The following CDHR2 variants were observed in gnomAD, a reference collection of about 807,000 sequenced individuals.
The protein encoded by CDHR2 is cadherin-related family member 2.
In CDHR2, 104 loss-of-function variants were observed where a neutral mutation model predicts 138.6. The observed-to-expected ratio is 0.75, with a 90% confidence interval of 0.64 to 0.88. CDHR2 has a LOEUF of 0.88. Ranked by LOEUF, CDHR2 falls within the 40% of genes least tolerant of loss-of-function variation. CDHR2 has a pLI of 0.00. For missense variants in CDHR2, 1,624 were observed against 1,727.6 expected, an observed-to-expected ratio of 0.94 and a Z score of 1.06; for synonymous variants, 755 against 742.8, an observed-to-expected ratio of 1.02 and a Z score of -0.27.
rs142588623 is a variant in CDHR2 at position 176,589,558 on chromosome 5, C to T, written c.3148C>T (p.Arg1050Trp). 1.8e-4 allele frequency: 296 copies of T among 1,613,976 alleles called. 1 individual carries two copies. The highest frequency in any genetic ancestry group is 2.4e-4 in the Non-Finnish European group (284 of 1,180,034). ...CACCGTGGACCAGAGTTACCGCTCGCGGCTGCAGTTCTCCACACCGAAGGA... is the reference window on the plus strand; with the variant it reads ...CACCGTGGACCAGAGTTACCGCTCGTGGCTGCAGTTCTCCACACCGAAGGA... ...LFTVDQSYRS[R>W]LQFSTPKEEV... The change falls in exon 24 of 32, where the codon CGG becomes TGG. Residue 1050 changes from arginine (R) to tryptophan (W), a missense_variant. Physicochemically the swap from Arg to Trp is moderately radical, Grantham distance 101. This residue lies in a region of CDHR2 where 556 missense variants were observed against 565.7 expected (regional missense o/e 0.98). Coordinates refer to ENST00000261944, the MANE Select transcript of CDHR2 (RefSeq NM_017675.6).
At chr5:176,582,225 G>A (rs1042999605) in intron 17 of CDHR2, among the ~76,000 whole-genome samples, 7 of 152,082 alleles carry the variant, frequency 4.6e-5, no homozygotes, top group Non-Finnish European at 1.0e-4. Context: ...TTTCCATGTT[G>A]CCCAGGCTGG....
At position 176,595,742 on chromosome 5, in the gene CDHR2, A is replaced by G; in HGVS notation, c.*70A>G. The G allele has an allele frequency of 7.2e-7, 1 of 1,383,720 alleles. No individual in the cohort carries two copies. The highest frequency in any genetic ancestry group is 9.6e-7 in the Non-Finnish European group (1 of 1,044,828). The allele number at this position is 1,383,720 out of a possible 1,614,324, so 85.7% of individuals were successfully genotyped here. A position where few individuals can be genotyped will look rare whatever the true frequency, so the allele number is the denominator to read the frequency against. ...ACCCTAACTGCACCTGTCTCCCTGG[A>G]GATGAAAATATATGACGCTGCCCTG... On this transcript the variant is annotated 3_prime_UTR_variant, in exon 32 of 32. Transcript: ENST00000261944.
chr5:176,569,028 G>T lies in CDHR2; in HGVS notation c.315+18G>T. 1 of 1,613,020 alleles carries T rather than the reference G, an allele frequency of 6.2e-7. No homozygotes were observed. Among genetic ancestry groups the T allele is most frequent in the Non-Finnish European group, 8.5e-7 (1 of 1,179,146 alleles). ...ACATCCAGGTGAGTTGGGAGGTGCA[G>T]GGGGGTAGACAGGGATTGCGAGAGT... On this transcript the variant is annotated intron_variant, in intron 5 of 31. Coordinates refer to ENST00000261944, the MANE Select transcript of CDHR2 (RefSeq NM_017675.6).
chr5:176,579,368 G>T (rs974905231), intron 16 of CDHR2, among the ~76,000 whole-genome samples: 1 of 152,118 alleles, frequency 6.6e-6, no homozygotes, highest in African/African-American at 2.4e-5. Context: ...GAGACAACAG[G>T]CTCAGAAAGG....
chr5:176,589,657 G>T, intron 24 of CDHR2, 41 bp downstream of exon 24: 2 of 1,566,938 alleles, frequency 1.3e-6, no homozygotes, highest in Non-Finnish European at 1.8e-6. Context: ...AGGAAGAACA[G>T]GGTGTAGGAG....
intron 1 of CDHR2, among the ~76,000 whole-genome samples, chr5:176,557,002 C>CCTTCTT (rs1757845151): frequency 2.4e-5 from 2 of 83,360 alleles, no homozygotes; most frequent in Non-Finnish European, 4.2e-5. Context: ...TTCCTTCTTT[C>CCTTCTT]TCTCTCTCTC....
chr5:176,588,012 G>C (rs77371324), intron 21 of CDHR2, among the ~76,000 whole-genome samples: 2 of 152,102 alleles, frequency 1.3e-5, no homozygotes, highest in Non-Finnish European at 2.9e-5. Flanking sequence ...TAACAGTAAC[G>C]TTGGTGAACT....
intron 30 of CDHR2, 56 bp from the exon 31 acceptor site, chr5:176,592,667 C>T: frequency 6.7e-7 from 1 of 1,496,654 alleles, no homozygotes; most frequent in Non-Finnish European, 9.3e-7. Flanking sequence ...GGTTCTTGGG[C>T]ACAGTAAGGG....
intron 17 of CDHR2, among the ~76,000 whole-genome samples, chr5:176,581,950 T>G (rs1758544190): frequency 6.6e-6 from 1 of 152,226 alleles, no homozygotes; most frequent in Admixed American, 6.5e-5. Flanking sequence ...GCATTGCTGG[T>G]GTCTATTGCA....
rs908091403 is a variant in CDHR2, at chr5:176,543,748, C to G, written c.-16+979C>G. 11 of 152,216 alleles carry G rather than the reference C, an allele frequency of 7.2e-5. No individual in the cohort carries two copies. The highest frequency in any genetic ancestry group is 1.3e-4 in the Non-Finnish European group (9 of 68,040). The allele number at this position is 152,216 out of a possible 1,614,324, so 9.4% of individuals were successfully genotyped here. On this transcript the variant is annotated intron_variant, in intron 1 of 31. Coordinates refer to the CDHR2 transcript ENST00000510636. This position sits in a 1 kb window ranked among gnomAD's most constrained non-coding sequence, Gnocchi z 4.0. Reference sequence around the variant, plus strand: ...TAATAGCTGTCTGGGGTCAGCAGATCTTGGTTCCCCGCTTTGGGCCATTCT... The same window carrying G: ...TAATAGCTGTCTGGGGTCAGCAGATGTTGGTTCCCCGCTTTGGGCCATTCT...
chr5:176,545,779 G>A (rs2963299), upstream of CDHR2, among the ~76,000 whole-genome samples: 144,315 of 152,328 alleles, frequency 0.95, 68,833 homozygotes, highest in East Asian at 1. Flanking sequence ...CTGCTGCTCC[G>A]TGAAGCCAAC....
upstream of CDHR2, among the ~76,000 whole-genome samples, chr5:176,544,403 TA>T (rs1474276249): frequency 6.7e-6 from 1 of 148,482 alleles, no homozygotes; most frequent in Non-Finnish European, 1.5e-5. Context: ...TTCTTTCTTC[TA>T]TTTCCTTTCT....
At chr5:176,583,985 C>T (rs1486938210) in intron 17 of CDHR2, among the ~76,000 whole-genome samples, 2 of 152,092 alleles carry the variant, frequency 1.3e-5, no homozygotes, top group Admixed American at 1.3e-4. Flanking sequence ...GGCCAAGGTC[C>T]CACTGTAGGT....
At chr5:176,588,577 G>A (rs1231575347) in intron 21 of CDHR2, among the ~76,000 whole-genome samples, 1 of 134,510 alleles carries the variant, frequency 7.4e-6, no homozygotes, top group Non-Finnish European at 1.5e-5. Flanking sequence ...GTGTGAGAGT[G>A]TGTGTGAGGG....
chr5:176,557,701 TCTTTCTTTC>T (rs2113263622), intron 1 of CDHR2, among the ~76,000 whole-genome samples: 1 of 147,730 alleles, frequency 6.8e-6, no homozygotes, highest in Non-Finnish European at 1.5e-5. Context: ...TTTCTTTCTT[TCTTTCTTTC>T]TTTTTTTTTT....
intron 1 of CDHR2, among the ~76,000 whole-genome samples, chr5:176,562,191 C>T (rs761937869): frequency 5.3e-5 from 8 of 151,706 alleles, no homozygotes; most frequent in East Asian, 1.9e-4. Context: ...TGAGTGAGGG[C>T]GGAAAAGATT....
chr5:176,578,147 A>G, intron 15 of CDHR2, 52 bp downstream of exon 15: 1 of 1,520,332 alleles, frequency 6.6e-7, no homozygotes, highest in Non-Finnish European at 9.0e-7. Flanking sequence ...GCCCAGGCCC[A>G]CCTCTCTGCC....
At chr5:176,546,945 C>T (rs1256957278), upstream of CDHR2, among the ~76,000 whole-genome samples, 1 of 150,854 alleles carries the variant, frequency 6.6e-6, no homozygotes, top group African/African-American at 2.4e-5. Context: ...ATCATAGCTC[C>T]CAGAGCCTGG....
chr5:176,584,763 G>A lies in CDHR2; in HGVS notation c.2482G>A (p.Val828Met). ...TGAGAATGGCTCACAGCACGGCCAG[G>A]TGGCTGTGGTGGTTGCCTCGGATGT... is the stretch of plus-strand genomic sequence containing the variant. ...VAENGSQHGQVAVVVASDVDT... is the reference protein window; with the variant it reads ...VAENGSQHGQMAVVVASDVDT... The change falls in exon 19 of 32, where the codon GTG becomes ATG. Residue 828 changes from valine (V) to methionine (M), a missense_variant. Val to Met is a conservative substitution (Grantham distance 21). Coordinates refer to ENST00000261944, the MANE Select transcript of CDHR2 (RefSeq NM_017675.6). 1.2e-6 allele frequency: 2 copies of A among 1,614,222 alleles called. No individual in the cohort carries two copies. Among genetic ancestry groups the A allele is most frequent in the East Asian group, 2.2e-5 (1 of 44,888 alleles).
Sources: gnomAD v4.1 joint callset for allele counts (sites outside exome capture counted in the v4.1 genomes callset) on GRCh38, gnomAD v4.1.1 for gene constraint, gnomAD v4.1.1 regional missense constraint, Gnocchi (gnomAD v3.1) non-coding constraint, MANE v1.5 for transcripts, NCBI Gene and HGNC (gene_info 2026-07-23, HGNC 2026-07-21) for gene names.